The following FAM81A variants were observed in gnomAD, a reference collection of about 807,000 sequenced individuals.
The protein encoded by FAM81A is protein FAM81A.
Under a neutral mutation model 46.7 loss-of-function variants are expected in FAM81A, and 19 were observed. The observed-to-expected ratio is 0.41, with a 90% confidence interval of 0.28 to 0.60. The LOEUF (loss-of-function observed/expected upper bound fraction) is 0.60. FAM81A is among the 20% of genes least tolerant of loss of function. The probability of loss-of-function intolerance (pLI) is 0.34; values close to 1 mark genes in which losing one functional copy is unlikely to be tolerated. For synonymous variants in FAM81A, 183 were observed against 152.9 expected (o/e 1.20, Z -1.45); for missense variants, 377 against 453.5 (o/e 0.83, Z 1.53).
rs145535464 is a variant in FAM81A, at chr15:59,425,196, G to A, written c.-78+22838G>A. On this transcript the variant is annotated intron_variant, in intron 2 of 4. Transcript: ENST00000558348. Reference sequence around the variant, plus strand: ...AGAATGTAAGCTCCATGAGGGCATAGACCACGCAATGACTACAGTGTCCCT... The same window carrying A: ...AGAATGTAAGCTCCATGAGGGCATAAACCACGCAATGACTACAGTGTCCCT... Among the ~76,000 whole-genome samples the A allele has an allele frequency of 7.2e-5, 11 of 152,246 alleles. No homozygotes were observed. The East Asian group carries it at 2.1e-3, about 29-fold the overall frequency.
At chr15:59,519,570 C>A (rs376478644) in intron 8 of FAM81A, among the ~76,000 whole-genome samples, 11 of 149,194 alleles carry the variant, frequency 7.4e-5, no homozygotes, top group Admixed American at 2.7e-4. Context: ...TTTCCCTTCC[C>A]TTCCCTTCCC....
intron 3 of FAM81A, among the ~76,000 whole-genome samples, chr15:59,466,584 T>A (rs1194520932): frequency 6.6e-6 from 1 of 152,228 alleles, no homozygotes; most frequent in African/African-American, 2.4e-5. Context: ...TTGTTTGAGT[T>A]CTTTGTAGAT....
intron 2 of FAM81A, among the ~76,000 whole-genome samples, chr15:59,423,389 C>T (rs1014652962): frequency 6.6e-5 from 10 of 152,322 alleles, no homozygotes; most frequent in East Asian, 1.9e-4. Context: ...TGAGCCATCG[C>T]GCCTGGTCTG....
chr15:59,478,941 A>G (rs1289951790), intron 3 of FAM81A, among the ~76,000 whole-genome samples: 1 of 152,196 alleles, frequency 6.6e-6, no homozygotes, highest in Non-Finnish European at 1.5e-5. Context: ...AGCTAGAGAT[A>G]GTCTCTAAGC....
At chr15:59,401,371 A>G in intron 1 of FAM81A, 1 of 787,388 alleles carries the variant, frequency 1.3e-6, no homozygotes, top group Non-Finnish European at 2.3e-6. Flanking sequence ...TAACACCCAA[A>G]GTTGTATACA....
chr15:59,485,813 A>C (rs1441210548), intron 3 of FAM81A, among the ~76,000 whole-genome samples: 2 of 152,248 alleles, frequency 1.3e-5, no homozygotes, highest in African/African-American at 4.8e-5. Context: ...AGCTGTTTTG[A>C]GGAAACTCAA....
intron 1 of FAM81A, among the ~76,000 whole-genome samples, chr15:59,456,931 A>G (rs1223788823): frequency 6.6e-6 from 1 of 152,134 alleles, no homozygotes; most frequent in Non-Finnish European, 1.5e-5. Context: ...AAGGGATTTT[A>G]GTTTTTCCTA....
At chr15:59,401,836 C>T in intron 1 of FAM81A, 5 of 732,046 alleles carry the variant, frequency 6.8e-6, no homozygotes, top group Non-Finnish European at 1.2e-5. Context: ...TGTATTTTCT[C>T]AGCATGGCCC....
At chr15:59,417,948 T>A (rs2081154353) in intron 2 of FAM81A, among the ~76,000 whole-genome samples, 1 of 151,866 alleles carries the variant, frequency 6.6e-6, no homozygotes, top group Admixed American at 6.6e-5. Flanking sequence ...CAGGCCCCGG[T>A]GTGTGATGTT....
intron 3 of FAM81A, among the ~76,000 whole-genome samples, chr15:59,466,133 A>C (rs2081610335): frequency 6.6e-6 from 1 of 152,176 alleles, no homozygotes; most frequent in African/African-American, 2.4e-5. Context: ...GTTGGTTCCA[A>C]GTCTTTGCTA....
intron 1 of FAM81A, chr15:59,445,555 G>T (rs1171404133): frequency 7.9e-5 from 12 of 152,138 alleles, no homozygotes; most frequent in African/African-American, 2.9e-4. Context: ...AAGAGTAAAA[G>T]ACTCCCATAT....
intron 2 of FAM81A, among the ~76,000 whole-genome samples, chr15:59,416,418 A>G (rs2081146932): frequency 6.6e-6 from 1 of 152,212 alleles, no homozygotes; most frequent in Admixed American, 6.5e-5. Flanking sequence ...CAGCTGCCTC[A>G]GTTTCCAGGT....
intron 6 of FAM81A, among the ~76,000 whole-genome samples, chr15:59,510,859 C>T (rs1181053184): frequency 6.7e-6 from 1 of 149,544 alleles, no homozygotes; most frequent in Non-Finnish European, 1.5e-5. Flanking sequence ...AAAAAGACAG[C>T]CTTCATGGCT....
intron 4 of FAM81A, among the ~76,000 whole-genome samples, chr15:59,505,398 G>A (rs2082138465): frequency 6.6e-6 from 1 of 151,932 alleles, no homozygotes; most frequent in Admixed American, 6.6e-5. Context: ...TGTAATCCCA[G>A]CTACTCAGGA....
chr15:59,487,476 G>C (rs1283794615), intron 3 of FAM81A, among the ~76,000 whole-genome samples: 1 of 151,196 alleles, frequency 6.6e-6, no homozygotes, highest in African/African-American at 2.4e-5. Context: ...CAAAAAGTTG[G>C]GTTTTTGAAA....
At chr15:59,451,654 T>C (rs1167217767) in intron 1 of FAM81A, among the ~76,000 whole-genome samples, 2 of 152,152 alleles carry the variant, frequency 1.3e-5, no homozygotes, top group East Asian at 3.9e-4. Flanking sequence ...AGTTTCCTCA[T>C]GTTGGTCAGG....
chr15:59,416,662 C>G (rs1334331877), intron 2 of FAM81A, among the ~76,000 whole-genome samples: 1 of 152,150 alleles, frequency 6.6e-6, no homozygotes, highest in Non-Finnish European at 1.5e-5. Context: ...TTCCCTCTCT[C>G]TCTATACACC....
chr15:59,486,157 C>G lies in FAM81A; in HGVS notation c.295-6114C>G, dbSNP rs141912974. 4.0e-3 allele frequency among the ~76,000 whole-genome samples: 600 copies of G among 151,578 alleles called. 7 individuals carry two copies. The highest frequency in any genetic ancestry group is 0.014 in the African/African-American group (589 of 41,154). On this transcript the variant is annotated intron_variant, in intron 3 of 8. Transcript: ENST00000288228. ...TCATGCCACTGCACTCCATCCTGGG[C>G]AACAAGAGCAACACTCTGAAGAAAG...
At chr15:59,452,980 C>T (rs1032531039) in intron 1 of FAM81A, among the ~76,000 whole-genome samples, 5 of 152,298 alleles carry the variant, frequency 3.3e-5, no homozygotes, top group Middle Eastern at 3.4e-3. Context: ...CCAGGCTGGT[C>T]TTGAACTCCT....
Sources: gnomAD v4.1 joint callset for allele counts (sites outside exome capture counted in the v4.1 genomes callset) on GRCh38, gnomAD v4.1.1 for gene constraint, MANE v1.5 for transcripts, NCBI Gene and HGNC (gene_info 2026-07-23, HGNC 2026-07-21) for gene names.